PBX3: variants seen among roughly 807,000 people sequenced by gnomAD.
PBX3 encodes PBX homeobox 3, also known as pre-B-cell leukemia transcription factor 3.
Under a neutral mutation model 48.5 loss-of-function variants are expected in PBX3, and 14 were observed. The observed-to-expected ratio is 0.29, with a 90% CI of 0.19 to 0.45. The LOEUF is 0.45. Ranked by LOEUF, PBX3 falls within the 20% of genes least tolerant of loss-of-function variation. The probability of loss-of-function intolerance (pLI) is 1.00; values close to 1 mark genes in which losing one functional copy is unlikely to be tolerated. For synonymous variants in PBX3, 210 were observed against 200.3 expected (o/e 1.05, Z -0.41); for missense variants, 386 against 546.7 (o/e 0.71, Z 2.93).
intron 2 of PBX3, among the ~76,000 whole-genome samples, chr9:125,792,042 A>ACACGCACGCACG (rs34328835): frequency 7.0e-6 from 1 of 143,152 alleles, no homozygotes; most frequent in Non-Finnish European, 1.5e-5. Flanking sequence ...CTACACACAC[A>ACACGCACGCACG]CACGCACGCA....
chr9:125,757,056 C>G (rs1588119103), intron 2 of PBX3, among the ~76,000 whole-genome samples: 1 of 152,160 alleles, frequency 6.6e-6, no homozygotes, highest in Admixed American at 6.5e-5. Context: ...GTACTAAGCC[C>G]TGCAAATAAT....
chr9:125,834,010 T>C (rs755798155), intron 2 of PBX3, among the ~76,000 whole-genome samples: 55 of 152,196 alleles, frequency 3.6e-4, no homozygotes, highest in Non-Finnish European at 6.8e-4. Context: ...GTATCATTAA[T>C]TGGATAAACA....
chr9:125,773,532 A>G (rs1301292702), intron 2 of PBX3, among the ~76,000 whole-genome samples: 1 of 152,194 alleles, frequency 6.6e-6, no homozygotes, highest in Non-Finnish European at 1.5e-5. Context: ...GGGCAGAGAT[A>G]CTGTGTTTTG....
intron 2 of PBX3, among the ~76,000 whole-genome samples, chr9:125,886,249 A>C (rs1357509481): frequency 6.6e-6 from 1 of 152,116 alleles, no homozygotes; most frequent in Non-Finnish European, 1.5e-5. Flanking sequence ...TTATTTTGTT[A>C]ATGCTATATT....
chr9:125,811,095 T>C (rs1259612638), intron 2 of PBX3, among the ~76,000 whole-genome samples: 2 of 152,174 alleles, frequency 1.3e-5, no homozygotes, highest in Non-Finnish European at 2.9e-5. Context: ...TAAATCCATA[T>C]TTAGAAGGCA....
intron 2 of PBX3, among the ~76,000 whole-genome samples, chr9:125,829,013 T>G (rs1838883805): frequency 6.6e-6 from 1 of 152,174 alleles, no homozygotes. Context: ...TGATTGGAGC[T>G]GGGAGTCTGG....
At chr9:125,914,582 A>G (rs1841283723) in intron 2 of PBX3, among the ~76,000 whole-genome samples, 1 of 152,190 alleles carries the variant, frequency 6.6e-6, no homozygotes, top group Non-Finnish European at 1.5e-5. Flanking sequence ...AGTGTGTACC[A>G]CTGTGGATAA....
intron 2 of PBX3, among the ~76,000 whole-genome samples, chr9:125,820,221 G>C (rs1588181020): frequency 6.6e-6 from 1 of 152,278 alleles, no homozygotes; most frequent in East Asian, 1.9e-4. Context: ...TTGACTTACT[G>C]GATATTTAAG....
At chr9:125,845,012 G>A (rs1200781031) in intron 2 of PBX3, 1 of 152,090 alleles carries the variant, frequency 6.6e-6, no homozygotes, top group East Asian at 1.9e-4. Flanking sequence ...ATGGTTAGTA[G>A]TATAATATGC....
intron 2 of PBX3, among the ~76,000 whole-genome samples, chr9:125,811,887 A>G (rs1838300555): frequency 1.3e-5 from 2 of 152,074 alleles, no homozygotes. Flanking sequence ...GTCCCCTGCA[A>G]ATTCATATGT....
intron 2 of PBX3, among the ~76,000 whole-genome samples, chr9:125,894,420 G>A (rs1840721806): frequency 6.6e-6 from 1 of 152,036 alleles, no homozygotes; most frequent in Admixed American, 6.6e-5. Flanking sequence ...TTTTTTAACA[G>A]TTGGTCTCTG....
intron 2 of PBX3, among the ~76,000 whole-genome samples, chr9:125,848,082 G>A (rs1839475616): frequency 6.6e-6 from 1 of 151,954 alleles, no homozygotes; most frequent in South Asian, 2.1e-4. Flanking sequence ...CCTTTATCCT[G>A]CGTGACTTAC....
intron 2 of PBX3, among the ~76,000 whole-genome samples, chr9:125,870,571 T>C (rs1840097601): frequency 6.6e-6 from 1 of 152,190 alleles, no homozygotes; most frequent in Admixed American, 6.5e-5. Context: ...CTCCCGTGAT[T>C]CAGTTACATC....
chr9:125,757,948 G>GA (rs1473142455), intron 2 of PBX3, among the ~76,000 whole-genome samples: 3 of 152,234 alleles, frequency 2.0e-5, no homozygotes, highest in East Asian at 1.9e-4. Flanking sequence ...AATCAGTAGA[G>GA]AAAAAAATGA....
chr9:125,906,473 T>C (rs540184017), intron 2 of PBX3, among the ~76,000 whole-genome samples: 1 of 151,970 alleles, frequency 6.6e-6, no homozygotes, highest in Non-Finnish European at 1.5e-5. Flanking sequence ...TATATTCACT[T>C]TTGAACATTT....
rs10118713 is a variant in PBX3 at position 125,890,517 on chromosome 9, C to T, written c.275-25169C>T. 8.0e-3 allele frequency among the ~76,000 whole-genome samples: 1,213 copies of T among 152,296 alleles called. 12 individuals carry two copies. Among genetic ancestry groups the T allele is most frequent in the African/African-American group, 0.028 (1,150 of 41,554 alleles). On this transcript the variant is annotated intron_variant, in intron 2 of 8. Coordinates refer to ENST00000373489, the MANE Select transcript of PBX3 (RefSeq NM_006195.6). ...ATTCCAGAAAACCAAAATTATTGCTCTTTCCAGGATTTAAATACGGACACC... is the reference window on the plus strand; with the variant it reads ...ATTCCAGAAAACCAAAATTATTGCTTTTTCCAGGATTTAAATACGGACACC...
chr9:125,843,943 G>A (rs913260973), intron 2 of PBX3: 2 of 300,638 alleles, frequency 6.7e-6, no homozygotes. Context: ...ATTTGGGGCT[G>A]GAAATGTGTT....
chr9:125,868,143 G>A (rs1840034226), intron 2 of PBX3, among the ~76,000 whole-genome samples: 1 of 151,510 alleles, frequency 6.6e-6, no homozygotes, highest in African/African-American at 2.4e-5. Context: ...CCAAAGTGCT[G>A]GGATTACAGG....
Position 125,770,614 on chromosome 9 carries a change from TG to T in PBX3, c.274+21993del, listed in dbSNP as rs1836916783. 6.6e-5 allele frequency among the ~76,000 whole-genome samples: 10 copies of T among 152,290 alleles called. No homozygotes were observed. In the South Asian group the frequency reaches 2.1e-3, roughly 32 times the overall value. The stretch of plus-strand genomic sequence containing the variant: ...AATTTAAAAAGCTAGTGGAAGGGAC[TG>T]GATGAATCCTGGGAAGGTGCTATTT... On this transcript the variant is annotated intron_variant, in intron 2 of 8. Coordinates refer to ENST00000373489, the MANE Select transcript of PBX3 (RefSeq NM_006195.6).
Sources: allele counts gnomAD v4.1 joint callset (sites outside exome capture counted in the v4.1 genomes callset), GRCh38; gene constraint gnomAD v4.1.1; transcripts MANE v1.5; gene names NCBI Gene and HGNC (gene_info 2026-07-23, HGNC 2026-07-21).